GMDS: variants seen among roughly 807,000 people sequenced by gnomAD.
GMDS encodes GDP-mannose 4,6 dehydratase.
A neutral mutation model predicts 49.9 loss-of-function variants in GMDS; 20 were observed. The ratio of observed to expected loss-of-function variants is 0.40; its 90% CI spans 0.28 to 0.58. The LOEUF is 0.58. GMDS is among the 20% of genes least tolerant of loss of function. GMDS has a pLI of 0.42. For synonymous variants in GMDS, 177 were observed against 178.6 expected (o/e 0.99, Z 0.07); for missense variants, 362 against 481.4 (o/e 0.75, Z 2.32).
At chr6:2,171,141 C>T (rs1413661634) in intron 1 of GMDS, among the ~76,000 whole-genome samples, 1 of 152,154 alleles carries the variant, frequency 6.6e-6, no homozygotes, top group Non-Finnish European at 1.5e-5. Flanking sequence ...AACTTGAATT[C>T]AGGAGTCTGT....
Position 2,168,402 on chromosome 6 carries a change from G to A in GMDS, c.103-43671C>T, listed in dbSNP as rs116625850. On this transcript the variant is annotated intron_variant, in intron 1 of 10. Coordinates refer to ENST00000380815, the MANE Select transcript of GMDS (RefSeq NM_001500.4). ...GAAGAAACAAGGAGCAAAGCAAAAG[G>A]TCACTTCCCTACAAACAAAATGTGG... Among the ~76,000 whole-genome samples the A allele has an allele frequency of 5.5e-3, 839 of 152,268 alleles. 2 individuals carry two copies. The highest frequency in any genetic ancestry group is 0.017 in the Middle Eastern group (5 of 294).
intron 7 of GMDS, among the ~76,000 whole-genome samples, chr6:1,818,869 C>T (rs1291336446): frequency 6.6e-6 from 1 of 152,052 alleles, no homozygotes; most frequent in Non-Finnish European, 1.5e-5. Context: ...CCTTTTGTTA[C>T]TTCGCTTCTC....
chr6:1,816,689 C>T (rs1479925431), intron 7 of GMDS, among the ~76,000 whole-genome samples: 1 of 152,160 alleles, frequency 6.6e-6, no homozygotes, highest in Non-Finnish European at 1.5e-5. Flanking sequence ...GGTTTCTCCA[C>T]CTTTTCAACC....
intron 4 of GMDS, among the ~76,000 whole-genome samples, chr6:2,071,668 C>T (rs1053095477): frequency 1.3e-5 from 2 of 149,648 alleles, no homozygotes; most frequent in Non-Finnish European, 2.9e-5. Context: ...CAATGACATA[C>T]GGGATACTTC....
chr6:1,806,041 G>A (rs142616948), intron 7 of GMDS, among the ~76,000 whole-genome samples: 1 of 152,152 alleles, frequency 6.6e-6, no homozygotes, highest in African/African-American at 2.4e-5. Context: ...CTACTCAGGA[G>A]GCTGAGGCAG....
chr6:2,169,819 C>G (rs911631196), intron 1 of GMDS, among the ~76,000 whole-genome samples: 2 of 152,220 alleles, frequency 1.3e-5, no homozygotes, highest in South Asian at 2.1e-4. Flanking sequence ...AGAGAGAACT[C>G]AGTTACGTGT....
At chr6:1,737,000 CATGA>C (rs1379657661) in intron 8 of GMDS, among the ~76,000 whole-genome samples, 6 of 152,160 alleles carry the variant, frequency 3.9e-5, no homozygotes, top group African/African-American at 1.4e-4. Context: ...CCAGAGGCTT[CATGA>C]AGCTTAGGAC....
chr6:2,204,967 A>G (rs1436524852), intron 1 of GMDS, among the ~76,000 whole-genome samples: 2 of 152,228 alleles, frequency 1.3e-5, no homozygotes, highest in African/African-American at 4.8e-5. Context: ...GTCAATCTAT[A>G]CTATGTGTGG....
In GMDS at chr6:1,654,357, C is replaced by G. The variant is rs185613987; in HGVS notation, c.988-29817G>C. Reference sequence around the variant, plus strand: ...AAAACAGCCAGAATGTGGAGGGAACCTAAGTGTCCGTTGACAGATTAATGA... The same window carrying G: ...AAAACAGCCAGAATGTGGAGGGAACGTAAGTGTCCGTTGACAGATTAATGA... On this transcript the variant is annotated intron_variant, in intron 9 of 10. Coordinates refer to ENST00000380815, the MANE Select transcript of GMDS (RefSeq NM_001500.4). Among the ~76,000 whole-genome samples the G allele has an allele frequency of 7.2e-5, 11 of 152,266 alleles. No homozygotes were observed. In the East Asian group the frequency reaches 2.1e-3, roughly 29 times the overall value.
intron 1 of GMDS, among the ~76,000 whole-genome samples, chr6:2,188,114 T>C (rs1385039906): frequency 1.3e-5 from 2 of 152,176 alleles, no homozygotes; most frequent in Non-Finnish European, 2.9e-5. Flanking sequence ...GCTGCATCAC[T>C]GGGGGCAACA....
chr6:1,930,156 A>G lies in GMDS; in HGVS notation c.718T>C (p.Leu240=). The G allele has an allele frequency of 1.9e-6, 3 of 1,613,160 alleles. No homozygotes were observed. The highest frequency in any genetic ancestry group is 2.7e-5 in the African/African-American group (2 of 75,046). ...TCTCGTTTGGCATCCAGATTTCCCA[A>G]ACTGAAACATTCCAGTTGTCCAAGG... The part of the protein sequence containing the change: ...IYLGQLECFS[L]GNLDAKRDWG... Residue 240 remains leucine, a synonymous_variant, in exon 7 of 11, where the codon TTG becomes CTG. Coordinates refer to ENST00000380815, the MANE Select transcript of GMDS (RefSeq NM_001500.4).
At chr6:1,788,247 G>T (rs1284140512) in intron 7 of GMDS, among the ~76,000 whole-genome samples, 1 of 152,212 alleles carries the variant, frequency 6.6e-6, no homozygotes, top group Non-Finnish European at 1.5e-5. Flanking sequence ...GGAGGAACAG[G>T]CAGGCTTAAA....
At chr6:2,117,657 T>C (rs995572079) in intron 2 of GMDS, 101 bp from the exon 3 acceptor site, 2 of 718,698 alleles carry the variant, frequency 2.8e-6, no homozygotes, top group Non-Finnish European at 5.1e-6. Context: ...TTGTAAGCAT[T>C]ATTTTAAATT....
At chr6:1,979,347 C>G (rs1026214434) in intron 4 of GMDS, among the ~76,000 whole-genome samples, 16 of 152,170 alleles carry the variant, frequency 1.1e-4, no homozygotes, top group African/African-American at 3.9e-4. Flanking sequence ...GGAACAGAAC[C>G]AACCTGATAG....
At chr6:1,926,084 C>A (rs1438352624) in intron 7 of GMDS, among the ~76,000 whole-genome samples, 1 of 152,198 alleles carries the variant, frequency 6.6e-6, no homozygotes. Context: ...CCTTCCCACA[C>A]CATCTCTCTT....
At chr6:2,097,552 T>A (rs1773679074) in intron 4 of GMDS, among the ~76,000 whole-genome samples, 1 of 152,212 alleles carries the variant, frequency 6.6e-6, no homozygotes, top group South Asian at 2.1e-4. Flanking sequence ...TAAACTGCTG[T>A]CACACACATG....
chr6:1,671,242 T>A (rs1453893572), intron 9 of GMDS, among the ~76,000 whole-genome samples: 1 of 152,228 alleles, frequency 6.6e-6, no homozygotes, highest in Non-Finnish European at 1.5e-5. Context: ...TGGCGGCTTA[T>A]CACTCTCAAT....
At chr6:1,886,078 A>G (rs1343199546) in intron 7 of GMDS, among the ~76,000 whole-genome samples, 1 of 152,232 alleles carries the variant, frequency 6.6e-6, no homozygotes, top group Non-Finnish European at 1.5e-5. Context: ...TGAGAAAAGA[A>G]GAAAAGTTAT....
At chr6:1,780,132 C>A (rs1180000877) in intron 7 of GMDS, among the ~76,000 whole-genome samples, 1 of 152,192 alleles carries the variant, frequency 6.6e-6, no homozygotes, top group Non-Finnish European at 1.5e-5. Flanking sequence ...CCGCTTGCAG[C>A]CTGTCCCTGG....
Sources: gnomAD v4.1 joint callset for allele counts (sites outside exome capture counted in the v4.1 genomes callset) on GRCh38, gnomAD v4.1.1 for gene constraint, MANE v1.5 for transcripts, NCBI Gene and HGNC (gene_info 2026-07-23, HGNC 2026-07-21) for gene names.